The following PARD3B variants were observed in gnomAD, a reference collection of about 807,000 sequenced individuals.
PARD3B encodes partitioning defective 3 homolog B.
In PARD3B, 103 loss-of-function variants were observed where a neutral mutation model predicts 130.2. The ratio of observed to expected loss-of-function variants is 0.79; its 90% CI spans 0.67 to 0.93. The LOEUF is 0.93. Ranked by LOEUF, PARD3B falls within the 40% of genes least tolerant of loss-of-function variation. The pLI is 0.00. For synonymous variants in PARD3B, 583 were observed against 553.2 expected (o/e 1.05, Z -0.76); for missense variants, 1,609 against 1,499.2 (o/e 1.07, Z -1.21).
intron 2 of PARD3B, among the ~76,000 whole-genome samples, chr2:204,726,954 C>A (rs1244345020): frequency 1.3e-5 from 2 of 152,150 alleles, no homozygotes; most frequent in Non-Finnish European, 2.9e-5. Context: ...CTTTCTCAGA[C>A]AAGTTGCTTA....
rs1289977666 is a variant in PARD3B at position 205,124,445 on chromosome 2, A to G, written c.1284A>G (p.Gln428=). 6.3e-7 allele frequency: 1 copy of G among 1,597,694 alleles called. No homozygotes were observed. Among genetic ancestry groups the G allele is most frequent in the African/African-American group, 1.3e-5 (1 of 74,548 alleles). ...CAGCAATAAAAGATGGCCGCCTACA[A>G]TCAGGGGACAGAATTTTGGAGGTAA... ...KGAAIKDGRL[Q]SGDRILEVNG... is the part of the protein sequence containing the mutation. The change falls in exon 9 of 23, where the codon CAA becomes CAG. Residue 428 remains glutamine (Q), a synonymous_variant. Coordinates refer to ENST00000406610, the MANE Select transcript of PARD3B (RefSeq NM_001302769.2).
chr2:204,783,930 G>C (rs114733005), intron 2 of PARD3B, among the ~76,000 whole-genome samples: 1 of 150,604 alleles, frequency 6.6e-6, no homozygotes, highest in Non-Finnish European at 1.5e-5. Context: ...AGTTTCCAGC[G>C]TTTTTTTTTC....
In PARD3B at chr2:205,203,550, C is replaced by T. The variant is rs370477714; in HGVS notation, c.2140+10230C>T. 4.0e-4 allele frequency among the ~76,000 whole-genome samples: 61 copies of T among 151,994 alleles called. 1 individual carries two copies. The East Asian group carries it at 0.011, about 27-fold the overall frequency. Reference sequence around the variant, plus strand: ...ACACGTGCCATGGTGGTTTGCTCACCCATCAACCCATCATCTACATTAGGT... The same window carrying T: ...ACACGTGCCATGGTGGTTTGCTCACTCATCAACCCATCATCTACATTAGGT... On this transcript the variant is annotated intron_variant, in intron 15 of 22. Transcript: ENST00000406610.
At chr2:205,028,771 C>T (rs1386461187) in intron 3 of PARD3B, among the ~76,000 whole-genome samples, 6 of 152,084 alleles carry the variant, frequency 3.9e-5, no homozygotes, top group Admixed American at 3.9e-4. Flanking sequence ...ACATAGAAAA[C>T]CCTAAGGAAA....
chr2:205,528,827 G>A (rs2051453428), intron 21 of PARD3B, among the ~76,000 whole-genome samples: 1 of 149,202 alleles, frequency 6.7e-6, no homozygotes, highest in Non-Finnish European at 1.5e-5. Flanking sequence ...AGCCTAACGA[G>A]GAATGCCAGC....
intron 1 of PARD3B, among the ~76,000 whole-genome samples, chr2:204,587,403 A>G (rs2032872837): frequency 6.6e-6 from 1 of 152,188 alleles, no homozygotes; most frequent in Non-Finnish European, 1.5e-5. Context: ...GATTTTATTC[A>G]TTGTAGGCAA....
chr2:205,435,368 T>G (rs2106143004), intron 19 of PARD3B, among the ~76,000 whole-genome samples: 1 of 152,234 alleles, frequency 6.6e-6, no homozygotes, highest in East Asian at 1.9e-4. Context: ...GTTTCCCATC[T>G]TTTACTATTA....
chr2:205,346,948 A>G (rs1334633299), intron 18 of PARD3B, among the ~76,000 whole-genome samples: 2 of 149,848 alleles, frequency 1.3e-5, no homozygotes, highest in African/African-American at 5.0e-5. Flanking sequence ...TAACTCTTGT[A>G]TATTTTTCTA....
At chr2:205,144,702 A>G (rs571965585) in intron 10 of PARD3B, among the ~76,000 whole-genome samples, 1 of 152,190 alleles carries the variant, frequency 6.6e-6, no homozygotes, top group Non-Finnish European at 1.5e-5. Context: ...AAAATAGTAA[A>G]CATGTACTGT....
At chr2:204,956,855 T>C (rs939084161) in intron 2 of PARD3B, among the ~76,000 whole-genome samples, 1 of 152,230 alleles carries the variant, frequency 6.6e-6, no homozygotes, top group Non-Finnish European at 1.5e-5. Context: ...TGTGTTATTC[T>C]GTGATGCTTG....
chr2:204,752,108 G>T (rs1024322727), intron 2 of PARD3B, among the ~76,000 whole-genome samples: 10 of 152,104 alleles, frequency 6.6e-5, no homozygotes, highest in African/African-American at 2.2e-4. Context: ...ACACACCAGG[G>T]TTACTTCCTT....
intron 3 of PARD3B, among the ~76,000 whole-genome samples, chr2:205,014,574 A>G (rs1002897432): frequency 3.3e-5 from 5 of 152,222 alleles, no homozygotes; most frequent in African/African-American, 1.2e-4. Flanking sequence ...GGCATGTTCT[A>G]ATAAAATGTG....
intron 20 of PARD3B, among the ~76,000 whole-genome samples, chr2:205,494,162 T>A (rs1319049151): frequency 2.0e-5 from 3 of 152,152 alleles, no homozygotes; most frequent in Non-Finnish European, 4.4e-5. Flanking sequence ...TCCTTCCAAA[T>A]GAAGAGCTAC....
intron 2 of PARD3B, among the ~76,000 whole-genome samples, chr2:204,827,663 T>C (rs2043635842): frequency 1.3e-5 from 2 of 152,212 alleles, no homozygotes; most frequent in Non-Finnish European, 1.5e-5. Context: ...ACAATAAAAA[T>C]ATGCTTTTGC....
intron 3 of PARD3B, among the ~76,000 whole-genome samples, chr2:204,989,756 A>G (rs984455345): frequency 2.6e-5 from 4 of 152,108 alleles, no homozygotes; most frequent in South Asian, 2.1e-4. Flanking sequence ...TTGCACTCCT[A>G]AGGAGTATCA....
chr2:205,037,689 A>G (rs1698103358), intron 3 of PARD3B, among the ~76,000 whole-genome samples: 2 of 145,684 alleles, frequency 1.4e-5, no homozygotes, highest in Admixed American at 6.9e-5. Context: ...ATATATATAT[A>G]TGATATATCT....
intron 3 of PARD3B, among the ~76,000 whole-genome samples, chr2:205,044,780 T>A (rs1172950724): frequency 1.3e-5 from 2 of 152,190 alleles, no homozygotes; most frequent in Non-Finnish European, 2.9e-5. Context: ...GTAGTTTCTT[T>A]TGCTGTGCAG....
intron 1 of PARD3B, among the ~76,000 whole-genome samples, chr2:204,618,321 T>C (rs926530305): frequency 6.6e-6 from 1 of 152,108 alleles, no homozygotes; most frequent in Non-Finnish European, 1.5e-5. Flanking sequence ...AAGACCTGGA[T>C]TGGAAACCCA....
chr2:205,418,257 G>C (rs2046848326), intron 19 of PARD3B, among the ~76,000 whole-genome samples: 1 of 152,108 alleles, frequency 6.6e-6, no homozygotes, highest in Admixed American at 6.6e-5. Flanking sequence ...TTTCCACTTA[G>C]AGGATTTGGG....
Sources: gnomAD v4.1 joint callset for allele counts (sites outside exome capture counted in the v4.1 genomes callset) on GRCh38, gnomAD v4.1.1 for gene constraint, MANE v1.5 for transcripts, NCBI Gene and HGNC (gene_info 2026-07-23, HGNC 2026-07-21) for gene names.